EBF4: variants seen among roughly 807,000 people sequenced by gnomAD.
EBF4 encodes the protein transcription factor COE4.
EBF4 carries 34 observed loss-of-function variants against 67.1 expected under a neutral mutation model. The observed-to-expected ratio is 0.51, with a 90% CI of 0.39 to 0.67. EBF4 has a LOEUF of 0.67. Among genes scored for constraint, EBF4 ranks in the 30% least tolerant of loss-of-function variants. EBF4 has a pLI of 0.00. For synonymous variants in EBF4, 387 were observed against 377.7 expected, an observed-to-expected ratio of 1.02 and a Z score of -0.29; for missense variants, 837 against 873.3, an observed-to-expected ratio of 0.96 and a Z score of 0.52.
At chr20:2,705,450 A>AT in intron 1 of EBF4, 127 bp from the exon 2 acceptor site, 1 of 1,365,828 alleles carries the variant, frequency 7.3e-7, no homozygotes, top group Non-Finnish European at 1.0e-6. Flanking sequence ...GTCTAGTTGG[A>AT]TTTTTTGCCC....
At chr20:2,703,869 G>T (rs1160415693) in intron 1 of EBF4, among the ~76,000 whole-genome samples, 1 of 152,150 alleles carries the variant, frequency 6.6e-6, no homozygotes, top group Non-Finnish European at 1.5e-5. Flanking sequence ...TGAGAGCTGG[G>T]GCCGCAGTCG....
In EBF4 at chr20:2,738,382, C is replaced by T. The variant is rs77798619; in HGVS notation, c.558-10167C>T. ...CTGCTGCCGTCCATGCCCCATCCCCCCTCCTCCCTCCTTTTTCTCTATCTC... is the reference window on the plus strand; with the variant it reads ...CTGCTGCCGTCCATGCCCCATCCCCTCTCCTCCCTCCTTTTTCTCTATCTC... On this transcript the variant is annotated intron_variant, in intron 6 of 16. Coordinates refer to ENST00000609451, the Ensembl canonical transcript of EBF4. Among the ~76,000 whole-genome samples, 957 of 152,222 alleles carry T rather than the reference C, an allele frequency of 6.3e-3. 11 individuals are homozygous for T. The highest frequency in any genetic ancestry group is 0.021 in the African/African-American group (890 of 41,530).
intron 1 of EBF4, 71 bp from the exon 2 acceptor site, chr20:2,705,506 T>C (rs551368995): frequency 1.3e-6 from 2 of 1,548,236 alleles, no homozygotes; most frequent in Admixed American, 2.0e-5. Context: ...CATGCCTGCC[T>C]GGCCCGAGGC....
At position 2,705,480 on chromosome 20, in the gene EBF4, G is replaced by A. The variant is rs935611050; in HGVS notation, c.138-97G>A. 4.0e-6 allele frequency: 6 copies of A among 1,513,694 alleles called. No homozygotes were observed. In the African/African-American group the frequency reaches 4.2e-5, roughly 10 times the overall value. 93.8% of individuals were successfully genotyped at this position (1,513,694 alleles called of 1,614,324 possible). A position where few individuals can be genotyped will look rare whatever the true frequency, so the allele number is the denominator to read the frequency against. On this transcript the variant is annotated intron_variant, in intron 1 of 16. Coordinates refer to ENST00000609451, the Ensembl canonical transcript of EBF4. ...TTGCCCAAACTCTTGGCATCTTGGAGCCATGTCCTGGCTAGCATGCCTGCC... is the reference window on the plus strand; with the variant it reads ...TTGCCCAAACTCTTGGCATCTTGGAACCATGTCCTGGCTAGCATGCCTGCC...
chr20:2,707,912 C>T lies in EBF4; in HGVS notation c.415-35C>T, dbSNP rs1334730981. On this transcript the variant is annotated intron_variant, in intron 4 of 16. Coordinates refer to ENST00000609451, the Ensembl canonical transcript of EBF4. The surrounding 1 kb of genome is among the most constrained non-coding windows in gnomAD (Gnocchi z 4.6). ...GCCACCTGCACCTCAGAGGAGCCTCCTTCCCCTCCAGCCTGTGCACCTCCC... is the reference window on the plus strand; with the variant it reads ...GCCACCTGCACCTCAGAGGAGCCTCTTTCCCCTCCAGCCTGTGCACCTCCC... 1 of 1,549,868 alleles carries T rather than the reference C, an allele frequency of 6.5e-7. No homozygotes were observed. The highest frequency in any genetic ancestry group is 8.7e-7 in the Non-Finnish European group (1 of 1,143,814).
intron 1 of EBF4, among the ~76,000 whole-genome samples, chr20:2,699,289 G>C (rs2087341173): frequency 6.6e-6 from 1 of 152,184 alleles, no homozygotes; most frequent in South Asian, 2.1e-4. Flanking sequence ...CCTTGGTGTT[G>C]ACTTGAACCT....
At position 2,697,274 on chromosome 20, in the gene EBF4, G is replaced by A. The variant is rs534517003; in HGVS notation, c.137+3492G>A. Among the ~76,000 whole-genome samples, 142 of 152,198 alleles carry A rather than the reference G, an allele frequency of 9.3e-4. 1 individual carries two copies. The highest frequency in any genetic ancestry group is 3.0e-3 in the African/African-American group (123 of 41,532). On this transcript the variant is annotated intron_variant, in intron 1 of 16. Transcript: ENST00000609451. ...AAGAGGGGTAGGGAGGGCCGGGTGC[G>A]ATGGCTCACGCCTGTAATCCCAGCA...
At chr20:2,737,106 C>G (rs559379773) in intron 6 of EBF4, among the ~76,000 whole-genome samples, 1 of 150,810 alleles carries the variant, frequency 6.6e-6, no homozygotes, top group South Asian at 2.1e-4. Flanking sequence ...AAAAATTAGC[C>G]GGGCGTGGTG....
intron 1 of EBF4, among the ~76,000 whole-genome samples, chr20:2,697,416 G>A (rs569266403): frequency 3.8e-4 from 58 of 152,118 alleles, no homozygotes; most frequent in African/African-American, 1.1e-3. Context: ...GTGGTGGCGG[G>A]CGCCTGTAGT....
chr20:2,758,709 C>T (rs1229452765), intron 15 of EBF4, 200 bp from the exon 16 acceptor site: 16 of 611,666 alleles, frequency 2.6e-5, no homozygotes, highest in East Asian at 1.9e-4. Flanking sequence ...GGAGCAAGGG[C>T]GTGGGCTGCA....
At position 2,707,311 on chromosome 20, in the gene EBF4, A is replaced by C. The variant is rs1403485132; in HGVS notation, c.415-636A>C. On this transcript the variant is annotated intron_variant, in intron 4 of 16. Transcript: ENST00000609451. The surrounding 1 kb of genome is among the most constrained non-coding windows in gnomAD (Gnocchi z 4.6). ...GGGAAGGCACAGAGGGTTATAAACT[A>C]GGAAGGCAGATTTGCAGTTAGGAAG... Among the ~76,000 whole-genome samples the C allele has an allele frequency of 6.6e-6, 1 of 152,138 alleles. No homozygotes were observed. Among genetic ancestry groups the C allele is most frequent in the South Asian group, 2.1e-4 (1 of 4,820 alleles).
chr20:2,707,628 T>C lies in EBF4; in HGVS notation c.415-319T>C, dbSNP rs1404990961. Among the ~76,000 whole-genome samples the C allele has an allele frequency of 2.0e-5, 3 of 152,176 alleles. No homozygotes were observed. Among genetic ancestry groups the C allele is most frequent in the East Asian group, 1.9e-4 (1 of 5,172 alleles). On this transcript the variant is annotated intron_variant, in intron 4 of 16. Coordinates refer to ENST00000609451, the Ensembl canonical transcript of EBF4. This position sits in a 1 kb window ranked among gnomAD's most constrained non-coding sequence, Gnocchi z 4.6. ...TGCTGGGTGGGCACAGGAGTATGTC[T>C]ACCCCACCAGCCACCTGACCTTTGT... is the stretch of plus-strand genomic sequence containing the variant.
At chr20:2,752,612 C>T in intron 14 of EBF4, 67 bp downstream of exon 14, 1 of 1,179,602 alleles carries the variant, frequency 8.5e-7, no homozygotes, top group Non-Finnish European at 1.1e-6. Flanking sequence ...AGCCCCGCCC[C>T]CGCCCATCCC....
chr20:2,755,613 G>GC lies in EBF4; in HGVS notation c.1541-10dup. On this transcript the variant is annotated splice_polypyrimidine_tract_variant and intron_variant, in intron 14 of 16. Transcript: ENST00000609451. This position sits in a 1 kb window ranked among gnomAD's most constrained non-coding sequence, Gnocchi z 4.7. ...TTCCCTGCTGCGCCTGCCCCTCCCC[G>GC]CCCCGCCCCGGAGTCATGCCCTCTA... is the stretch of plus-strand genomic sequence containing the variant. The GC allele has an allele frequency of 7.1e-5, 33 of 463,126 alleles. No homozygotes were observed. The highest frequency in any genetic ancestry group is 3.6e-4 in the South Asian group (15 of 41,910). 28.7% of individuals were successfully genotyped at this position (463,126 alleles called of 1,614,324 possible).
chr20:2,698,625 G>A (rs2087331043), intron 1 of EBF4, among the ~76,000 whole-genome samples: 1 of 152,180 alleles, frequency 6.6e-6, no homozygotes, highest in African/African-American at 2.4e-5. Context: ...AAGAAGAGCT[G>A]GACTTAGCAG....
At chr20:2,748,702 A>G (rs1241045187) in intron 7 of EBF4, 72 bp downstream of exon 7, 4 of 1,498,944 alleles carry the variant, frequency 2.7e-6, no homozygotes, top group Non-Finnish European at 3.6e-6. Context: ...GGGGGAAGGG[A>G]AGGCTGTGAC....
intron 6 of EBF4, among the ~76,000 whole-genome samples, chr20:2,715,087 T>C (rs1205922561): frequency 1.3e-5 from 2 of 151,984 alleles, no homozygotes; most frequent in Non-Finnish European, 2.9e-5. Context: ...ACATGAGAAA[T>C]ACCATTGAAG....
At chr20:2,737,445 T>C (rs563343957) in intron 6 of EBF4, among the ~76,000 whole-genome samples, 25 of 152,110 alleles carry the variant, frequency 1.6e-4, no homozygotes, top group Non-Finnish European at 2.8e-4. Context: ...GATGTCTGGC[T>C]ATGTAACTGG....
In EBF4 at chr20:2,755,915, C is replaced by T. The variant is rs1220885776; in HGVS notation, c.1738+91C>T. On this transcript the variant is annotated intron_variant, in intron 15 of 16. Coordinates refer to ENST00000609451, the Ensembl canonical transcript of EBF4. The surrounding 1 kb of genome is among the most constrained non-coding windows in gnomAD (Gnocchi z 4.7). ...GGGGCCTGCTCTGTCCACATCTCAC[C>T]AGTGCCTCATGCTGGCTAACCTGCT... 3 of 1,250,350 alleles carry T rather than the reference C, an allele frequency of 2.4e-6. No homozygotes were observed. In the East Asian group the frequency reaches 7.6e-5, roughly 32 times the overall value. 77.5% of individuals were successfully genotyped at this position (1,250,350 alleles called of 1,614,324 possible). A position where few individuals can be genotyped will look rare whatever the true frequency, so the allele number is the denominator to read the frequency against.
Sources: gnomAD v4.1 joint callset for allele counts (sites outside exome capture counted in the v4.1 genomes callset) on GRCh38, gnomAD v4.1.1 for gene constraint, Gnocchi (gnomAD v3.1) non-coding constraint, MANE v1.5 for transcripts, NCBI Gene and HGNC (gene_info 2026-07-23, HGNC 2026-07-21) for gene names.